Variants in CRLF2 observed in about 807,000 individuals in gnomAD.
CRLF2 encodes cytokine receptor-like factor 2.
CRLF2 carries 41 observed loss-of-function variants against 38.7 expected under a neutral mutation model. That is an observed-to-expected ratio of 1.06 (90% confidence interval 0.83 to 1.37). CRLF2 has a LOEUF of 1.37. Among genes scored for constraint, CRLF2 ranks in the 40% most tolerant of loss-of-function variants. The probability of loss-of-function intolerance (pLI) is 0.00; values close to 1 mark genes in which losing one functional copy is unlikely to be tolerated. For synonymous variants in CRLF2, 140 were observed against 128.8 expected (o/e 1.09, Z -0.59); for missense variants, 377 against 322.2 (o/e 1.17, Z -1.30).
chrX:1,212,418 G>GCAAA (rs2086819941), intron 1 of CRLF2, 138 bp downstream of exon 1: 1 of 369,582 alleles, frequency 2.7e-6, no homozygotes, highest in African/African-American at 2.8e-5. Flanking sequence ...CTTGAACCCG[G>GCAAA]AAAAAAAAAA....
rs371615837 is a variant in CRLF2, at chrX:1,197,093, C to CTTTTTT, written c.647-199_647-194dup. Among the ~76,000 whole-genome samples, 23 of 118,622 alleles carry CTTTTTT rather than the reference C, an allele frequency of 1.9e-4. 2 individuals carry two copies. The highest frequency in any genetic ancestry group is 7.0e-4 in the African/African-American group (21 of 30,200). 77.8% of individuals were successfully genotyped at this position (118,622 alleles called of 152,430 possible). A position where few individuals can be genotyped will look rare whatever the true frequency, so the allele number is the denominator to read the frequency against. On this transcript the variant is annotated intron_variant, in intron 5 of 7. Coordinates refer to ENST00000400841, the MANE Select transcript of CRLF2 (RefSeq NM_022148.4). ...AATATTCGTGTCAGCAAATCTTTTA[C>CTTTTTT]TTTTTTTTTTTTTTTTTGAGACAGA...
intron 6 of CRLF2, 73 bp from the exon 7 acceptor site, chrX:1,193,375 G>A (rs1266754414): frequency 5.0e-6 from 2 of 398,354 alleles, no homozygotes; most frequent in Non-Finnish European, 4.4e-6. Flanking sequence ...AGCACCTACA[G>A]GGCATGGACC....
intron 3 of CRLF2, among the ~76,000 whole-genome samples, chrX:1,206,177 G>T (rs1390907293): frequency 1.3e-4 from 20 of 152,136 alleles, no homozygotes; most frequent in African/African-American, 4.8e-4. Context: ...TAAGCTGAAG[G>T]AAGTACTGAA....
At chrX:1,208,693 T>C in intron 2 of CRLF2, 113 bp downstream of exon 2, 1 of 737,504 alleles carries the variant, frequency 1.4e-6, no homozygotes, top group Non-Finnish European at 2.5e-6. Context: ...CATTCCGGCT[T>C]GCACAGTCTG....
chrX:1,206,709 C>T (rs2086697525), intron 2 of CRLF2, 110 bp from the exon 3 acceptor site: 1 of 974,240 alleles, frequency 1.0e-6, no homozygotes, highest in African/African-American at 1.6e-5. Flanking sequence ...ATGGCGCGAT[C>T]TCAGCTCACT....
chrX:1,197,426 C>G (rs1320703195), intron 5 of CRLF2, among the ~76,000 whole-genome samples: 12 of 151,952 alleles, frequency 7.9e-5, no homozygotes, highest in African/African-American at 2.9e-4. Context: ...CAACATGTAG[C>G]CTTTGGAGGC....
chrX:1,205,262 G>A (rs2086672208), intron 3 of CRLF2, among the ~76,000 whole-genome samples: 1 of 152,226 alleles, frequency 6.6e-6, no homozygotes, highest in Non-Finnish European at 1.5e-5. Context: ...GGAGTGAGGA[G>A]CTGGGCACCG....
At position 1,190,828 on chromosome X, in the gene CRLF2, C is replaced by T. The variant is rs1316011920; in HGVS notation, c.*69G>A. 681 of 398,662 alleles carry T rather than the reference C, an allele frequency of 1.7e-3. 1 individual carries two copies. Among genetic ancestry groups the T allele is most frequent in the Middle Eastern group, 8.8e-3 (14 of 1,588 alleles). 24.7% of individuals were successfully genotyped at this position (398,662 alleles called of 1,614,324 possible). A position where few individuals can be genotyped will look rare whatever the true frequency, so the allele number is the denominator to read the frequency against. ...CCCATCCATGGTGGTGTGGAGTCCC[C>T]GGGACAGTCCCCTCTGTCTTTAAAT... On this transcript the variant is annotated 3_prime_UTR_variant, in exon 8 of 8. Coordinates refer to ENST00000400841, the MANE Select transcript of CRLF2 (RefSeq NM_022148.4).
At chrX:1,191,896 A>G (rs2086387193) in intron 7 of CRLF2, among the ~76,000 whole-genome samples, 2 of 152,144 alleles carry the variant, frequency 1.3e-5, no homozygotes, top group South Asian at 4.2e-4. Flanking sequence ...AGGTGATTCC[A>G]AAGTTAAGTT....
At chrX:1,209,060 C>T (rs1444468311) in intron 1 of CRLF2, among the ~76,000 whole-genome samples, 152 bp from the exon 2 acceptor site, 3 of 151,838 alleles carry the variant, frequency 2.0e-5, no homozygotes, top group Admixed American at 6.6e-5. Flanking sequence ...CTCCGCCTCC[C>T]GGGTTCAAGC....
At chrX:1,193,551 A>G (rs1369415770) in intron 6 of CRLF2, among the ~76,000 whole-genome samples, 3 of 149,028 alleles carry the variant, frequency 2.0e-5, no homozygotes, top group Non-Finnish European at 3.0e-5. Flanking sequence ...GCTGAGGCGG[A>G]TGGATCACCT....
At chrX:1,198,503 C>G in intron 5 of CRLF2, 59 bp downstream of exon 5, 1 of 1,576,626 alleles carries the variant, frequency 6.3e-7, no homozygotes, top group Non-Finnish European at 8.7e-7. Flanking sequence ...AAGGCAGTGG[C>G]TATGCCTACT....
chrX:1,207,006 C>T (rs1487256570), intron 2 of CRLF2, among the ~76,000 whole-genome samples: 1 of 146,542 alleles, frequency 6.8e-6, no homozygotes, highest in Non-Finnish European at 1.5e-5. Flanking sequence ...AGTGCAGTGG[C>T]ACGATCTCGG....
intron 1 of CRLF2, among the ~76,000 whole-genome samples, chrX:1,210,656 G>A (rs771715391): frequency 6.6e-6 from 1 of 152,174 alleles, no homozygotes; most frequent in African/African-American, 2.4e-5. Flanking sequence ...GGAAAGATGG[G>A]GTACAGTGAA....
intron 7 of CRLF2, among the ~76,000 whole-genome samples, chrX:1,192,466 A>C (rs2086401543): frequency 6.6e-6 from 1 of 151,044 alleles, no homozygotes; most frequent in Admixed American, 6.6e-5. Flanking sequence ...AATACAAAAA[A>C]TTAGCCAGGT....
At chrX:1,193,398 C>T in intron 6 of CRLF2, 96 bp from the exon 7 acceptor site, 1 of 397,640 alleles carries the variant, frequency 2.5e-6, no homozygotes, top group Non-Finnish European at 4.4e-6. Flanking sequence ...AGGGACAGAC[C>T]AAGAATGGCA....
At chrX:1,208,778 TG>T in intron 2 of CRLF2, 27 bp downstream of exon 2, 2 of 1,336,476 alleles carry the variant, frequency 1.5e-6, no homozygotes, top group Non-Finnish European at 1.1e-6. Context: ...CCCCTGGGCG[TG>T]GGGTTCGCTT....
chrX:1,209,568 T>C (rs1319012817), intron 1 of CRLF2, among the ~76,000 whole-genome samples: 3 of 151,754 alleles, frequency 2.0e-5, no homozygotes, highest in East Asian at 2.0e-4. Context: ...CCTGACCTCG[T>C]GATCCGCCCG....
intron 1 of CRLF2, among the ~76,000 whole-genome samples, chrX:1,210,248 C>G (rs1489388113): frequency 6.6e-6 from 1 of 152,020 alleles, no homozygotes; most frequent in Non-Finnish European, 1.5e-5. Flanking sequence ...TAATTCCGAA[C>G]AGGGACAATG....
Sources: allele counts gnomAD v4.1 joint callset (sites outside exome capture counted in the v4.1 genomes callset), GRCh38; gene constraint gnomAD v4.1.1; transcripts MANE v1.5; gene names NCBI Gene and HGNC (gene_info 2026-07-23, HGNC 2026-07-21).